Variants in PRKCB observed in about 807,000 individuals in gnomAD.
PRKCB encodes the protein protein kinase C beta, also known as protein kinase C beta type.
Under a neutral mutation model 81.5 loss-of-function variants are expected in PRKCB, and 13 were observed. The observed-to-expected ratio is 0.16, with a 90% confidence interval of 0.10 to 0.25. The LOEUF (loss-of-function observed/expected upper bound fraction) is 0.25. Ranked by LOEUF, PRKCB falls within the 10% of genes least tolerant of loss-of-function variation. The probability of loss-of-function intolerance (pLI) is 1.00; values close to 1 mark genes in which losing one functional copy is unlikely to be tolerated. For synonymous variants in PRKCB, 335 were observed against 321.4 expected, an observed-to-expected ratio of 1.04 and a Z score of -0.45; for missense variants, 509 against 875.7, an observed-to-expected ratio of 0.58 and a Z score of 5.29.
rs1408788223 is a variant in PRKCB at position 24,105,648 on chromosome 16, T to C, written c.822-7325T>C. ...AGTGTTTGGTTTTCTGTTTCTGTGT[T>C]AGTTTGCTGAGAATGATGGTTTCCA... On this transcript the variant is annotated intron_variant, in intron 7 of 16. Coordinates refer to ENST00000643927, the MANE Select transcript of PRKCB (RefSeq NM_002738.7). Among the ~76,000 whole-genome samples the C allele has an allele frequency of 2.0e-5, 3 of 152,202 alleles. No homozygotes were observed. In the East Asian group the frequency reaches 5.8e-4, roughly 29 times the overall value.
At chr16:24,141,028 T>G (rs950216847) in intron 9 of PRKCB, among the ~76,000 whole-genome samples, 1 of 152,208 alleles carries the variant, frequency 6.6e-6, no homozygotes, top group Non-Finnish European at 1.5e-5. Flanking sequence ...CATTTAGTTA[T>G]AATTTTTGCA....
At chr16:23,985,037 A>T (rs1401950513) in intron 2 of PRKCB, among the ~76,000 whole-genome samples, 1 of 152,202 alleles carries the variant, frequency 6.6e-6, no homozygotes, top group African/African-American at 2.4e-5. Flanking sequence ...TTTTTAAAAA[A>T]TGCTTTAAAA....
intron 2 of PRKCB, among the ~76,000 whole-genome samples, chr16:23,952,810 T>C (rs960789667): frequency 6.6e-6 from 1 of 152,190 alleles, no homozygotes; most frequent in African/African-American, 2.4e-5. Context: ...TGGAACAGGT[T>C]ATTGCCATGG....
intron 2 of PRKCB, among the ~76,000 whole-genome samples, chr16:23,960,920 T>C (rs778382549): frequency 6.6e-6 from 1 of 152,260 alleles, no homozygotes; most frequent in Non-Finnish European, 1.5e-5. Context: ...TTTATCCTCC[T>C]TGTGGCAATG....
intron 10 of PRKCB, among the ~76,000 whole-genome samples, chr16:24,164,917 T>C (rs191893821): frequency 6.6e-6 from 1 of 152,302 alleles, no homozygotes; most frequent in East Asian, 1.9e-4. Context: ...TTAAGGGTGC[T>C]ATGGAGGGGA....
chr16:24,190,897 G>A (rs1164180267), intron 15 of PRKCB, among the ~76,000 whole-genome samples, 193 bp from the exon 16 acceptor site: 1 of 152,028 alleles, frequency 6.6e-6, no homozygotes, highest in Non-Finnish European at 1.5e-5. Context: ...ATTGGCAGTG[G>A]GTCCTATTAT....
At chr16:23,896,965 T>C (rs1019901822) in intron 2 of PRKCB, among the ~76,000 whole-genome samples, 1 of 149,404 alleles carries the variant, frequency 6.7e-6, no homozygotes, top group African/African-American at 2.5e-5. Context: ...CCCACCCATC[T>C]ACCCACCCAT....
At chr16:24,179,723 C>T (rs1967589528) in intron 12 of PRKCB, among the ~76,000 whole-genome samples, 2 of 152,228 alleles carry the variant, frequency 1.3e-5, no homozygotes, top group African/African-American at 2.4e-5. Context: ...TCTTTTCTGA[C>T]TGACACCCTG....
Position 24,217,250 on chromosome 16 carries a change from T to A in PRKCB, c.*2434T>A, listed in dbSNP as rs1968243169. The A allele has an allele frequency of 1.5e-5, 15 of 985,242 alleles. No homozygotes were observed. The highest frequency in any genetic ancestry group is 1.8e-5 in the Non-Finnish European group (15 of 829,874). 61.0% of individuals were successfully genotyped at this position (985,242 alleles called of 1,614,324 possible). ...TTGCCATTATTTTTCAAAAGTTTAA[T>A]AGTTTGCAGAAATAGATACTCAAGC... On this transcript the variant is annotated 3_prime_UTR_variant, in exon 17 of 17. Coordinates refer to ENST00000643927, the MANE Select transcript of PRKCB (RefSeq NM_002738.7).
chr16:24,056,577 G>A (rs2141874050), intron 5 of PRKCB, among the ~76,000 whole-genome samples: 1 of 152,260 alleles, frequency 6.6e-6, no homozygotes, highest in African/African-American at 2.4e-5. Context: ...TTGGGTCATG[G>A]GGCAGACACC....
chr16:23,937,310 A>G (rs1964075135), intron 2 of PRKCB, among the ~76,000 whole-genome samples: 1 of 152,210 alleles, frequency 6.6e-6, no homozygotes, highest in South Asian at 2.1e-4. Flanking sequence ...GTTGTAGAAC[A>G]ATGCCGTGAG....
At chr16:23,866,498 T>C (rs562400822) in intron 2 of PRKCB, among the ~76,000 whole-genome samples, 45 of 152,336 alleles carry the variant, frequency 3.0e-4, no homozygotes, top group African/African-American at 1.1e-3. Context: ...CAGAAGCCTA[T>C]TGTTTGTAAA....
chr16:24,200,481 G>C (rs1167284961), intron 16 of PRKCB, among the ~76,000 whole-genome samples: 1 of 152,150 alleles, frequency 6.6e-6, no homozygotes, highest in Non-Finnish European at 1.5e-5. Flanking sequence ...TCCTAAATCA[G>C]TTTCTGTCTT....
At chr16:24,032,689 G>A (rs1454410439) in intron 4 of PRKCB, among the ~76,000 whole-genome samples, 1 of 152,090 alleles carries the variant, frequency 6.6e-6, no homozygotes, top group Non-Finnish European at 1.5e-5. Context: ...CTCCGTGCAT[G>A]CACGGAGGTC....
At chr16:23,883,243 A>C (rs928943671) in intron 2 of PRKCB, among the ~76,000 whole-genome samples, 2 of 152,200 alleles carry the variant, frequency 1.3e-5, no homozygotes, top group African/African-American at 4.8e-5. Flanking sequence ...GTGAGTGGCT[A>C]CTTTAGATCA....
chr16:24,169,922 G>T (rs527743018), intron 10 of PRKCB, among the ~76,000 whole-genome samples: 32 of 152,022 alleles, frequency 2.1e-4, no homozygotes, highest in African/African-American at 7.0e-4. Context: ...GACTACAGGC[G>T]CACACCATCA....
rs867018905 is a variant in PRKCB at position 24,190,794 on chromosome 16, G to A, written c.1723-296G>A. ...GGCCTCCCAAAGTGCTGGGATTACA[G>A]GTGTGAGCCACTGTGCCTGGCCCTC... is the stretch of plus-strand genomic sequence containing the variant. On this transcript the variant is annotated intron_variant, in intron 15 of 16. Coordinates refer to ENST00000643927, the MANE Select transcript of PRKCB (RefSeq NM_002738.7). Among the ~76,000 whole-genome samples the A allele has an allele frequency of 3.3e-5, 5 of 152,196 alleles. No homozygotes were observed. The South Asian group carries it at 6.2e-4, about 19-fold the overall frequency.
chr16:24,113,704 A>G (rs1228869104), intron 8 of PRKCB, among the ~76,000 whole-genome samples: 4 of 151,858 alleles, frequency 2.6e-5, no homozygotes, highest in Non-Finnish European at 5.9e-5. Flanking sequence ...CATGGTTTCT[A>G]CTAAGACTTT....
intron 7 of PRKCB, among the ~76,000 whole-genome samples, chr16:24,108,964 G>A (rs1247581605): frequency 3.4e-5 from 5 of 146,296 alleles, no homozygotes; most frequent in Non-Finnish European, 7.5e-5. Flanking sequence ...CGGATGGGGG[G>A]GCTGGCCGGG....
Sources: allele counts gnomAD v4.1 joint callset (sites outside exome capture counted in the v4.1 genomes callset), GRCh38; gene constraint gnomAD v4.1.1; transcripts MANE v1.5; gene names NCBI Gene and HGNC (gene_info 2026-07-23, HGNC 2026-07-21).